The following CFAP77 variants were observed in gnomAD, a reference collection of about 807,000 sequenced individuals.
The protein encoded by CFAP77 is cilia and flagella associated protein 77.
In CFAP77, 25 loss-of-function variants were observed where a neutral mutation model predicts 31.1. The ratio of observed to expected loss-of-function variants is 0.80; its 90% CI spans 0.59 to 1.12. The LOEUF is 1.12. Among genes scored for constraint, CFAP77 ranks in the 50% most tolerant of loss-of-function variants. CFAP77 has a pLI of 0.00. For missense variants in CFAP77, 377 were observed against 397.3 expected, an observed-to-expected ratio of 0.95 and a Z score of 0.44; for synonymous variants, 151 against 159.9, an observed-to-expected ratio of 0.94 and a Z score of 0.42.
At chr9:132,510,272 A>C (rs539963556) in intron 3 of CFAP77, among the ~76,000 whole-genome samples, 1 of 152,292 alleles carries the variant, frequency 6.6e-6, no homozygotes, top group East Asian at 1.9e-4. Context: ...TGATTTTTCC[A>C]GAGCTGGGCC....
chr9:132,443,773 T>A (rs1199393001), intron 1 of CFAP77, among the ~76,000 whole-genome samples: 1 of 152,182 alleles, frequency 6.6e-6, no homozygotes, highest in Non-Finnish European at 1.5e-5. Context: ...AATTGGAGCA[T>A]GACGTTGAAA....
intron 3 of CFAP77, among the ~76,000 whole-genome samples, chr9:132,507,900 T>C (rs554898034): frequency 1.3e-5 from 2 of 152,216 alleles, no homozygotes; most frequent in East Asian, 1.9e-4. Flanking sequence ...AAATGTACAT[T>C]GCCCCCTGCA....
At chr9:132,566,044 C>G (rs1411461683) in intron 5 of CFAP77, among the ~76,000 whole-genome samples, 1 of 152,210 alleles carries the variant, frequency 6.6e-6, no homozygotes, top group African/African-American at 2.4e-5. Flanking sequence ...TTAGAAGCAT[C>G]TCAGAAGGAA....
At chr9:132,433,166 A>G (rs1051211195) in intron 1 of CFAP77, among the ~76,000 whole-genome samples, 1 of 152,154 alleles carries the variant, frequency 6.6e-6, no homozygotes, top group African/African-American at 2.4e-5. Flanking sequence ...TTCCTTTTCT[A>G]TAAATGAGGG....
chr9:132,521,658 G>A (rs566263092), intron 3 of CFAP77, among the ~76,000 whole-genome samples: 24 of 152,194 alleles, frequency 1.6e-4, no homozygotes, highest in African/African-American at 5.5e-4. Flanking sequence ...TCTGCATTTG[G>A]GAGGGGGTAG....
At chr9:132,439,617 C>T (rs560067688) in intron 1 of CFAP77, among the ~76,000 whole-genome samples, 92 of 152,118 alleles carry the variant, frequency 6.0e-4, no homozygotes, top group African/African-American at 2.1e-3. Flanking sequence ...GAGGCCAAGG[C>T]GGGCAGATCA....
chr9:132,496,571 A>T (rs1186118545), intron 1 of CFAP77, among the ~76,000 whole-genome samples: 2 of 152,194 alleles, frequency 1.3e-5, no homozygotes, highest in Non-Finnish European at 2.9e-5. Flanking sequence ...CTGGACATTT[A>T]TGTAGATGGA....
chr9:132,462,058 GAAGA>G (rs1278512484), intron 1 of CFAP77, among the ~76,000 whole-genome samples: 1 of 152,196 alleles, frequency 6.6e-6, no homozygotes, highest in African/African-American at 2.4e-5. Flanking sequence ...TTATGGGCGA[GAAGA>G]AAGAGGCCCA....
intron 1 of CFAP77, among the ~76,000 whole-genome samples, chr9:132,411,966 G>T (rs769087581): frequency 1.3e-5 from 2 of 152,044 alleles, no homozygotes; most frequent in Non-Finnish European, 2.9e-5. Context: ...GTATGCATAT[G>T]TATAATATAC....
At chr9:132,496,755 G>A (rs147862352) in intron 1 of CFAP77, among the ~76,000 whole-genome samples, 40 of 152,322 alleles carry the variant, frequency 2.6e-4, no homozygotes, top group African/African-American at 4.8e-4. Context: ...ATGCCAATCC[G>A]GGAAGGCTTC....
At chr9:132,549,450 G>T (rs865816460) in intron 5 of CFAP77, among the ~76,000 whole-genome samples, 9 of 152,188 alleles carry the variant, frequency 5.9e-5, no homozygotes, top group African/African-American at 9.7e-5. Flanking sequence ...ATGATTCAGA[G>T]GCCCTGATGG....
intron 5 of CFAP77, among the ~76,000 whole-genome samples, chr9:132,561,315 T>C (rs1829797740): frequency 6.6e-6 from 1 of 151,520 alleles, no homozygotes; most frequent in African/African-American, 2.4e-5. Flanking sequence ...TGCCTGTCAT[T>C]ATTTTTTTTT....
intron 5 of CFAP77, among the ~76,000 whole-genome samples, chr9:132,546,478 T>C (rs1852732442): frequency 6.6e-6 from 1 of 151,634 alleles, no homozygotes; most frequent in Non-Finnish European, 1.5e-5. Flanking sequence ...CACGAGCAGA[T>C]GTCGACGCTG....
intron 3 of CFAP77, among the ~76,000 whole-genome samples, chr9:132,515,261 C>A (rs1852126228): frequency 6.6e-6 from 1 of 152,174 alleles, no homozygotes; most frequent in African/African-American, 2.4e-5. Context: ...CCCGGCTCGA[C>A]ATTCTGAGGG....
rs1210937538 is a variant in CFAP77 at position 132,565,808 on chromosome 9, A to G, written c.733-6580A>G. Among the ~76,000 whole-genome samples, 1 of 152,106 alleles carries G rather than the reference A, an allele frequency of 6.6e-6. No homozygotes were observed. The highest frequency in any genetic ancestry group is 1.9e-4 in the East Asian group (1 of 5,188). On this transcript the variant is annotated intron_variant, in intron 5 of 5. Transcript: ENST00000393216. The surrounding 1 kb of genome is among the most constrained non-coding windows in gnomAD (Gnocchi z 4.1). ...TGTCCTTATTTCTGCGATGCCATTT[A>G]GATTTGTGCAATGCTCCCCATTCTA...
rs1363752219 is a variant in CFAP77 at position 132,410,307 on chromosome 9, G to A, written c.36G>A (p.Thr12=). The change falls in exon 1 of 6, where the codon ACG becomes ACA. Residue 12 remains threonine, a synonymous_variant. Coordinates refer to ENST00000393216, the MANE Select transcript of CFAP77 (RefSeq NM_001282957.2). ...PEARSSGPDL[T]RWRKQQQPVR... is the part of the protein sequence containing the mutation. ...CCAGGAGCTCCGGCCCGGACCTCAC[G>A]CGATGGAGGAAGCAGCAGCAGCCTG... 4.9e-5 allele frequency: 78 copies of A among 1,593,848 alleles called. No individual in the cohort carries two copies. The highest frequency in any genetic ancestry group is 6.5e-5 in the Non-Finnish European group (76 of 1,171,800).
intron 1 of CFAP77, among the ~76,000 whole-genome samples, chr9:132,429,500 C>T (rs787877): frequency 0.22 from 30,232 of 140,478 alleles, 4,050 homozygotes; most frequent in African/African-American, 0.37. Flanking sequence ...ATCGCACCAC[C>T]GCACTCTAGC....
chr9:132,497,305 T>C lies in CFAP77; in HGVS notation c.196-1390T>C, dbSNP rs1331035397. On this transcript the variant is annotated intron_variant, in intron 1 of 5. Coordinates refer to ENST00000393216, the MANE Select transcript of CFAP77 (RefSeq NM_001282957.2). This position sits in a 1 kb window ranked among gnomAD's most constrained non-coding sequence, Gnocchi z 4.9. The stretch of plus-strand genomic sequence containing the variant: ...TGTCTACCTCTCAGCACCCAGCCTG[T>C]GGGAGCTGGAGAGAGGGGGATATAG... Among the ~76,000 whole-genome samples the C allele has an allele frequency of 2.0e-5, 3 of 151,378 alleles. No individual in the cohort carries two copies. The highest frequency in any genetic ancestry group is 2.9e-5 in the Non-Finnish European group (2 of 67,912).
chr9:132,523,144 G>A (rs1224275672), intron 3 of CFAP77, among the ~76,000 whole-genome samples: 1 of 150,354 alleles, frequency 6.7e-6, no homozygotes, highest in Admixed American at 6.6e-5. Context: ...CTGGAGTGCA[G>A]TGGCATGATC....
Sources: gnomAD v4.1 joint callset for allele counts (sites outside exome capture counted in the v4.1 genomes callset) on GRCh38, gnomAD v4.1.1 for gene constraint, Gnocchi (gnomAD v3.1) non-coding constraint, MANE v1.5 for transcripts, NCBI Gene and HGNC (gene_info 2026-07-23, HGNC 2026-07-21) for gene names.